Variants in CNTN5 observed in about 807,000 individuals in gnomAD.
CNTN5 encodes the protein contactin-5.
In CNTN5, 77 loss-of-function variants were observed where a neutral mutation model predicts 129.1. The observed-to-expected ratio is 0.60, with a 90% CI of 0.50 to 0.72. The LOEUF (loss-of-function observed/expected upper bound fraction) is 0.72, where lower values mean the gene tolerates loss of function less well. CNTN5 is among the 30% of genes least tolerant of loss of function. The pLI is 0.00. For missense variants in CNTN5, 1,478 were observed against 1,328.8 expected (o/e 1.11, Z -1.75); for synonymous variants, 509 against 465.6 (o/e 1.09, Z -1.20).
At chr11:99,322,225 G>A (rs540004998) in intron 1 of CNTN5, among the ~76,000 whole-genome samples, 3 of 152,144 alleles carry the variant, frequency 2.0e-5, no homozygotes, top group African/African-American at 4.8e-5. Context: ...GCTTGCAGTC[G>A]GCGGCCTTAC....
chr11:100,354,493 G>T (rs1437176007), intron 24 of CNTN5, among the ~76,000 whole-genome samples: 2 of 151,580 alleles, frequency 1.3e-5, no homozygotes, highest in African/African-American at 4.8e-5. Context: ...GCCAGGTTTG[G>T]CATGAGAACC....
At chr11:100,078,979 AG>A (rs1163755746) in intron 13 of CNTN5, among the ~76,000 whole-genome samples, 4 of 152,154 alleles carry the variant, frequency 2.6e-5, no homozygotes, top group African/African-American at 9.7e-5. Flanking sequence ...TCATGGCGTA[AG>A]GCAAAGCAGG....
At chr11:99,816,776 T>G (rs1388050741) in intron 3 of CNTN5, among the ~76,000 whole-genome samples, 1 of 152,192 alleles carries the variant, frequency 6.6e-6, no homozygotes, top group Non-Finnish European at 1.5e-5. Context: ...CATCGGCACC[T>G]TGTTTACTTA....
At position 100,040,752 on chromosome 11, in the gene CNTN5, T is replaced by G. The variant is rs537077441; in HGVS notation, c.981-20460T>G. On this transcript the variant is annotated intron_variant, in intron 9 of 24. Transcript: ENST00000524871. The stretch of plus-strand genomic sequence containing the variant: ...GCTGTGCTAGCAATGAGCGAGACTC[T>G]GTGGGCGTAGGACCCTCCTAGCCAA... Among the ~76,000 whole-genome samples the G allele has an allele frequency of 2.0e-5, 3 of 152,110 alleles. No homozygotes were observed. In the South Asian group the frequency reaches 6.2e-4, roughly 32 times the overall value.
intron 3 of CNTN5, among the ~76,000 whole-genome samples, chr11:99,621,812 T>A (rs778118676): frequency 6.6e-6 from 1 of 152,212 alleles, no homozygotes; most frequent in Non-Finnish European, 1.5e-5. Context: ...CTCTTATATT[T>A]GCCCACATAA....
chr11:99,582,045 T>C (rs1949620355), intron 3 of CNTN5, among the ~76,000 whole-genome samples: 1 of 152,030 alleles, frequency 6.6e-6, no homozygotes. Flanking sequence ...TCTCAACATT[T>C]GCTTGTCTGT....
intron 1 of CNTN5, among the ~76,000 whole-genome samples, chr11:99,247,093 G>A (rs1861848104): frequency 6.6e-6 from 1 of 152,054 alleles, no homozygotes; most frequent in Non-Finnish European, 1.5e-5. Context: ...AATTTTCTGT[G>A]TGTCTGGCCC....
chr11:99,879,964 T>C (rs1038124548), intron 6 of CNTN5, among the ~76,000 whole-genome samples: 1 of 152,162 alleles, frequency 6.6e-6, no homozygotes, highest in African/African-American at 2.4e-5. Context: ...GACAAAAATG[T>C]CAACAAAAAC....
At chr11:99,376,517 A>C (rs1239242326) in intron 2 of CNTN5, among the ~76,000 whole-genome samples, 1 of 152,176 alleles carries the variant, frequency 6.6e-6, no homozygotes, top group Non-Finnish European at 1.5e-5. Flanking sequence ...TTGTCCTTGT[A>C]GTTTACTTTT....
chr11:100,317,103 C>A (rs1248323414), intron 21 of CNTN5, among the ~76,000 whole-genome samples: 1 of 152,302 alleles, frequency 6.6e-6, no homozygotes, highest in Admixed American at 6.5e-5. Context: ...GAAAGGACAG[C>A]AATTGTGTTT....
At chr11:100,141,059 C>G (rs541218483) in intron 13 of CNTN5, among the ~76,000 whole-genome samples, 1 of 151,896 alleles carries the variant, frequency 6.6e-6, no homozygotes, top group South Asian at 2.1e-4. Context: ...ACAAAATGGT[C>G]GAGGAAAAAT....
chr11:100,164,954 G>T (rs554804959), intron 13 of CNTN5, among the ~76,000 whole-genome samples: 16 of 151,816 alleles, frequency 1.1e-4, no homozygotes, highest in South Asian at 2.1e-4. Flanking sequence ...ATAAAATATT[G>T]TATAAATGTA....
chr11:100,268,475 C>T (rs1322016868), intron 17 of CNTN5, among the ~76,000 whole-genome samples: 4 of 152,052 alleles, frequency 2.6e-5, no homozygotes, highest in Non-Finnish European at 1.5e-5. Context: ...AAAATAATGT[C>T]ATGCCATGGA....
chr11:99,613,199 C>G (rs759304396), intron 3 of CNTN5, among the ~76,000 whole-genome samples: 1 of 152,172 alleles, frequency 6.6e-6, no homozygotes, highest in Non-Finnish European at 1.5e-5. Context: ...ATAATGCCCA[C>G]GTGTCAAGAA....
At chr11:99,855,819 T>A (rs1383435141) in intron 6 of CNTN5, among the ~76,000 whole-genome samples, 1 of 152,210 alleles carries the variant, frequency 6.6e-6, no homozygotes, top group Non-Finnish European at 1.5e-5. Context: ...GTAAACCATT[T>A]TTATATCAGC....
intron 1 of CNTN5, among the ~76,000 whole-genome samples, chr11:99,257,294 A>G (rs1862418342): frequency 6.6e-6 from 1 of 152,180 alleles, no homozygotes; most frequent in Non-Finnish European, 1.5e-5. Context: ...TCCATTTCAC[A>G]TGTGAGGAAG....
chr11:99,737,131 GCACACACACACAAACACACACACACA>G (rs1156734252), intron 3 of CNTN5, among the ~76,000 whole-genome samples: 1 of 149,744 alleles, frequency 6.7e-6, no homozygotes, highest in Non-Finnish European at 1.5e-5. Context: ...TAACACACAT[GCACACACACACAAACACACACACACA>G]CACACGCACA....
At chr11:99,205,328 A>G (rs776140689) in intron 1 of CNTN5, among the ~76,000 whole-genome samples, 2 of 152,146 alleles carry the variant, frequency 1.3e-5, no homozygotes, top group African/African-American at 2.4e-5. Flanking sequence ...AGCCATTTCC[A>G]TAACCCTCCC....
intron 1 of CNTN5, among the ~76,000 whole-genome samples, chr11:99,148,182 G>C (rs757578572): frequency 6.6e-6 from 1 of 151,998 alleles, no homozygotes; most frequent in South Asian, 2.1e-4. Flanking sequence ...GTACTAAAAA[G>C]GGCCTTTTAA....
Sources: allele counts gnomAD v4.1 joint callset (sites outside exome capture counted in the v4.1 genomes callset), GRCh38; gene constraint gnomAD v4.1.1; transcripts MANE v1.5; gene names NCBI Gene and HGNC (gene_info 2026-07-23, HGNC 2026-07-21).